The following PHTF2 variants were observed in gnomAD, a reference collection of about 807,000 sequenced individuals.
PHTF2 encodes putative homeodomain transcription factor 2.
PHTF2 carries 60 observed loss-of-function variants against 101.2 expected under a neutral mutation model. That is an observed-to-expected ratio of 0.59 (90% CI 0.48 to 0.73). PHTF2 has a LOEUF of 0.73. Among genes scored for constraint, PHTF2 ranks in the 30% least tolerant of loss-of-function variants. The probability of loss-of-function intolerance (pLI) is 0.00; values close to 1 mark genes in which losing one functional copy is unlikely to be tolerated. For missense variants in PHTF2, 747 were observed against 908.7 expected, an observed-to-expected ratio of 0.82 and a Z score of 2.29; for synonymous variants, 311 against 307.3, an observed-to-expected ratio of 1.01 and a Z score of -0.13.
At chr7:77,854,830 G>A (rs1176336678) in exon 3 of PHTF2, 1 of 758,290 alleles carries the variant, frequency 1.3e-6, no homozygotes, top group African/African-American at 1.7e-5. Flanking sequence ...TTCATTCAGT[G>A]TTTGGTGAGT....
chr7:77,807,903 A>AT (rs1793121348), intron 1 of PHTF2, among the ~76,000 whole-genome samples: 1 of 152,064 alleles, frequency 6.6e-6, no homozygotes, highest in South Asian at 2.1e-4. Flanking sequence ...GTCCACCTTC[A>AT]TTTTTTGTTG....
intron 16 of PHTF2, among the ~76,000 whole-genome samples, chr7:77,947,913 A>T (rs1584793887): frequency 7.5e-6 from 1 of 133,416 alleles, no homozygotes; most frequent in East Asian, 2.4e-4. Context: ...ATCTCAGCTC[A>T]CTGTAGCCTC....
At chr7:77,799,223 G>A (rs891567251) in intron 1 of PHTF2, among the ~76,000 whole-genome samples, 2 of 152,156 alleles carry the variant, frequency 1.3e-5, no homozygotes, top group African/African-American at 2.4e-5. Flanking sequence ...TTCCTCCCGA[G>A]CTCGCGCGGT....
rs1195743163 is a variant in PHTF2 at position 77,842,038 on chromosome 7, CAGTTAGCCCTGTAACTGA to C, written c.45+1753_45+1770del. On this transcript the variant is annotated intron_variant, in intron 2 of 19. Transcript: ENST00000416283. ...GGGTTTGAAATATTATACTCAGATT[CAGTTAGCCCTGTAACTGA>C]AGTTAGCCCTGTAATTGAAATGACC... 6.6e-4 allele frequency among the ~76,000 whole-genome samples: 101 copies of C among 152,256 alleles called. 2 individuals are homozygous for C. The Middle Eastern group carries it at 0.01, about 15-fold the overall frequency.
intron 5 of PHTF2, chr7:77,895,166 C>A (rs767376244): frequency 5.9e-5 from 27 of 455,788 alleles, no homozygotes; most frequent in Non-Finnish European, 1.1e-4. Flanking sequence ...TTTGAGAGTT[C>A]TCAGTTTATA....
chr7:77,829,446 A>G (rs1035083650), intron 1 of PHTF2, among the ~76,000 whole-genome samples: 5 of 152,326 alleles, frequency 3.3e-5, no homozygotes, highest in African/African-American at 7.2e-5. Flanking sequence ...TAAAATTACA[A>G]CTTTGACCAT....
chr7:77,943,985 C>G (rs1048126144), intron 16 of PHTF2, among the ~76,000 whole-genome samples: 4 of 151,860 alleles, frequency 2.6e-5, no homozygotes, highest in African/African-American at 4.8e-5. Flanking sequence ...CTGGGGGATA[C>G]AGCAAGACTC....
intron 11 of PHTF2, among the ~76,000 whole-genome samples, chr7:77,928,882 C>T (rs967575655): frequency 6.6e-6 from 1 of 152,084 alleles, no homozygotes; most frequent in African/African-American, 2.4e-5. Flanking sequence ...CCTTTGTATG[C>T]AAAGTAATAT....
intron 3 of PHTF2, among the ~76,000 whole-genome samples, chr7:77,872,138 G>A (rs1034175695): frequency 3.3e-5 from 5 of 152,204 alleles, no homozygotes; most frequent in Non-Finnish European, 5.9e-5. Flanking sequence ...CAGCCTTGGT[G>A]AGTGGAAGTC....
intron 9 of PHTF2, among the ~76,000 whole-genome samples, chr7:77,915,895 T>A (rs1802868100): frequency 1.3e-5 from 2 of 152,130 alleles, no homozygotes; most frequent in Non-Finnish European, 1.5e-5. Context: ...TTTGGGTTGA[T>A]CTAAGAAAAT....
intron 9 of PHTF2, among the ~76,000 whole-genome samples, chr7:77,917,074 GGCATTCT>G (rs1802997868): frequency 6.6e-6 from 1 of 151,808 alleles, no homozygotes. Flanking sequence ...TTTATTAGTC[GGCATTCT>G]GCTTTAAGGA....
At chr7:77,854,333 G>A (rs1796996361) in intron 2 of PHTF2, among the ~76,000 whole-genome samples, 1 of 152,182 alleles carries the variant, frequency 6.6e-6, no homozygotes, top group Non-Finnish European at 1.5e-5. Flanking sequence ...GCTGCCTGGA[G>A]CTGGGGGAAG....
chr7:77,901,586 A>C (rs1016949783), intron 6 of PHTF2, among the ~76,000 whole-genome samples, 176 bp from the exon 6 acceptor site: 6 of 152,236 alleles, frequency 3.9e-5, no homozygotes, highest in Admixed American at 1.3e-4. Context: ...CTGTTATTTC[A>C]AAAAATGTTT....
chr7:77,901,874 A>G, exon 7 of PHTF2: 2 of 1,600,650 alleles, frequency 1.2e-6, no homozygotes, highest in Non-Finnish European at 1.7e-6. Context: ...TACAAGTAAC[A>G]TCAAAGGTCA....
chr7:77,923,875 T>A (rs943040237), intron 11 of PHTF2: 2 of 979,712 alleles, frequency 2.0e-6, no homozygotes, highest in African/African-American at 3.5e-5. Flanking sequence ...CGATTGAGTT[T>A]CTTGAAGCGC....
intron 9 of PHTF2, among the ~76,000 whole-genome samples, chr7:77,914,946 T>C (rs1172905851): frequency 1.3e-5 from 2 of 152,224 alleles, no homozygotes; most frequent in African/African-American, 4.8e-5. Context: ...GGAGTCTCGC[T>C]CTGTTGCCAG....
At chr7:77,874,959 TA>T (rs2150729633) in intron 3 of PHTF2, among the ~76,000 whole-genome samples, 1 of 152,356 alleles carries the variant, frequency 6.6e-6, no homozygotes, top group East Asian at 1.9e-4. Flanking sequence ...CAGAGTCCTC[TA>T]TTCTGTTCCA....
intron 3 of PHTF2, among the ~76,000 whole-genome samples, chr7:77,887,579 G>A (rs375288655): frequency 1.1e-4 from 17 of 152,170 alleles, no homozygotes; most frequent in East Asian, 7.7e-4. Flanking sequence ...TCCAGGAATG[G>A]TGATGGTCAC....
intron 3 of PHTF2, among the ~76,000 whole-genome samples, chr7:77,890,541 T>G (rs1257809948): frequency 6.6e-6 from 1 of 152,114 alleles, no homozygotes; most frequent in African/African-American, 2.4e-5. Context: ...GTGCCTATTC[T>G]TTATTAGTTT....
Sources: allele counts gnomAD v4.1 joint callset (sites outside exome capture counted in the v4.1 genomes callset), GRCh38; gene constraint gnomAD v4.1.1; transcripts MANE v1.5; gene names NCBI Gene and HGNC (gene_info 2026-07-23, HGNC 2026-07-21).